The following NEGR1 variants were observed in gnomAD, a reference collection of about 807,000 sequenced individuals.
NEGR1 encodes IgLON family member 4.
In NEGR1, 10 loss-of-function variants were observed where a neutral mutation model predicts 40.9. The ratio of observed to expected loss-of-function variants is 0.24; its 90% confidence interval spans 0.15 to 0.42. The LOEUF (loss-of-function observed/expected upper bound fraction) is 0.42. Among genes scored for constraint, NEGR1 ranks in the 10% least tolerant of loss-of-function variants. The pLI, the probability that NEGR1 is intolerant of heterozygous loss-of-function variation, is 1.00. For synonymous variants in NEGR1, 185 were observed against 166.8 expected (o/e 1.11, Z -0.84); for missense variants, 352 against 438.9 (o/e 0.80, Z 1.77).
At chr1:71,429,830 GTATTTTGTTT>G (rs1646454737) in intron 6 of NEGR1, among the ~76,000 whole-genome samples, 1 of 152,220 alleles carries the variant, frequency 6.6e-6, no homozygotes, top group South Asian at 2.1e-4. Flanking sequence ...TTTAAGAGAT[GTATTTTGTTT>G]TAAAGTAAAA....
chr1:72,271,918 T>C (rs1327501947), intron 1 of NEGR1, among the ~76,000 whole-genome samples: 1 of 151,846 alleles, frequency 6.6e-6, no homozygotes, highest in Non-Finnish European at 1.5e-5. Context: ...CCTGCCACCA[T>C]GTAAGAAGTG....
intron 6 of NEGR1, among the ~76,000 whole-genome samples, chr1:71,419,560 C>T (rs1461701436): frequency 6.6e-6 from 1 of 151,784 alleles, no homozygotes; most frequent in East Asian, 1.9e-4. Context: ...TGTTTTTTTT[C>T]CTCATAGATT....
chr1:72,218,014 ATTCT>A (rs1653881879), intron 1 of NEGR1, among the ~76,000 whole-genome samples: 1 of 151,876 alleles, frequency 6.6e-6, no homozygotes, highest in Non-Finnish European at 1.5e-5. Context: ...AATTGAAGAA[ATTCT>A]TTATACAGTA....
chr1:71,489,000 T>G (rs1646906446), intron 6 of NEGR1, among the ~76,000 whole-genome samples: 1 of 151,834 alleles, frequency 6.6e-6, no homozygotes, highest in Admixed American at 6.6e-5. Flanking sequence ...TCTCTGAGAT[T>G]CAAATACCTT....
At chr1:71,573,567 C>G (rs2101495711) in intron 6 of NEGR1, 1 of 152,310 alleles carries the variant, frequency 6.6e-6, no homozygotes, top group South Asian at 2.1e-4. Context: ...TGACTTCTGA[C>G]TTTGATGTGG....
chr1:71,629,523 GCTTT>G (rs1650902380), intron 4 of NEGR1, among the ~76,000 whole-genome samples: 1 of 151,888 alleles, frequency 6.6e-6, no homozygotes, highest in Admixed American at 6.6e-5. Context: ...TCATGATTCG[GCTTT>G]CTGTTTGTCT....
At position 72,249,840 on chromosome 1, in the gene NEGR1, C is replaced by G. The variant is rs144585431; in HGVS notation, c.176+32479G>C. ...GAAGTTATTCTGATATCTTTCTCAA[C>G]GAATATAAAGCAACTATTATTTTGC... On this transcript the variant is annotated intron_variant, in intron 1 of 6. Transcript: ENST00000357731. 5.3e-3 allele frequency among the ~76,000 whole-genome samples: 803 copies of G among 152,178 alleles called. 8 individuals carry two copies. The highest frequency in any genetic ancestry group is 0.019 in the African/African-American group (774 of 41,532).
chr1:71,855,856 T>C (rs1384551987), intron 2 of NEGR1, among the ~76,000 whole-genome samples: 1 of 152,040 alleles, frequency 6.6e-6, no homozygotes, highest in Admixed American at 6.6e-5. Context: ...GCACCTTATG[T>C]TGGAGTATGT....
rs1276865045 is a variant in NEGR1 at position 71,493,534 on chromosome 1, C to CT, written c.941-85965dup. 2.0e-5 allele frequency among the ~76,000 whole-genome samples: 3 copies of CT among 152,082 alleles called. No homozygotes were observed. The South Asian group carries it at 6.2e-4, about 31-fold the overall frequency. On this transcript the variant is annotated intron_variant, in intron 6 of 6. Coordinates refer to ENST00000357731, the MANE Select transcript of NEGR1 (RefSeq NM_173808.3). Reference sequence around the variant, plus strand: ...AAGCCTTTGAAGAAAACTATTTTCTCTTTTTAAGTCTTATGTTTTAAAAAC... The same window carrying CT: ...AAGCCTTTGAAGAAAACTATTTTCTCTTTTTTAAGTCTTATGTTTTAAAAAC...
intron 6 of NEGR1, among the ~76,000 whole-genome samples, chr1:71,591,434 T>C (rs1187312861): frequency 6.6e-6 from 1 of 152,194 alleles, no homozygotes; most frequent in African/African-American, 2.4e-5. Flanking sequence ...CAAAACGTAA[T>C]ATGTTATTAA....
chr1:71,700,257 T>G (rs374494940), intron 3 of NEGR1, among the ~76,000 whole-genome samples: 9 of 152,116 alleles, frequency 5.9e-5, no homozygotes, highest in Admixed American at 5.2e-4. Context: ...AGAATAAGAT[T>G]ATGATAGTTA....
intron 3 of NEGR1, among the ~76,000 whole-genome samples, chr1:71,752,373 T>C (rs1396885898): frequency 6.6e-6 from 1 of 152,124 alleles, no homozygotes; most frequent in African/African-American, 2.4e-5. Flanking sequence ...TATACAAAAA[T>C]AGGTAGGGAA....
intron 6 of NEGR1, among the ~76,000 whole-genome samples, chr1:71,566,088 C>A (rs569552059): frequency 6.6e-6 from 1 of 151,968 alleles, no homozygotes; most frequent in Non-Finnish European, 1.5e-5. Flanking sequence ...CTGAGAGCCT[C>A]CCGAAGGAAA....
At chr1:71,986,482 C>A (rs1304857568) in intron 1 of NEGR1, among the ~76,000 whole-genome samples, 1 of 152,198 alleles carries the variant, frequency 6.6e-6, no homozygotes, top group African/African-American at 2.4e-5. Context: ...CCTTCTACAA[C>A]TATTCTGCTA....
intron 6 of NEGR1, among the ~76,000 whole-genome samples, chr1:71,486,143 A>G (rs1646886144): frequency 6.6e-6 from 1 of 151,642 alleles, no homozygotes; most frequent in Non-Finnish European, 1.5e-5. Context: ...CGGCCATTCT[A>G]GTAAGTGTGT....
At chr1:72,185,753 G>T (rs1390708683) in intron 1 of NEGR1, among the ~76,000 whole-genome samples, 1 of 151,796 alleles carries the variant, frequency 6.6e-6, no homozygotes, top group East Asian at 1.9e-4. Context: ...GTTACTGTTT[G>T]GATGTTTAAG....
chr1:71,690,920 G>T (rs1285401219), intron 4 of NEGR1, among the ~76,000 whole-genome samples: 2 of 151,592 alleles, frequency 1.3e-5, no homozygotes, highest in Non-Finnish European at 2.9e-5. Context: ...CTGTGTTAAA[G>T]GAAAGAAATT....
At position 71,402,867 on chromosome 1, in the gene NEGR1, T is replaced by C. The variant is rs946368414; in HGVS notation, c.*4579A>G. On this transcript the variant is annotated 3_prime_UTR_variant, in exon 7 of 7. Coordinates refer to ENST00000357731, the MANE Select transcript of NEGR1 (RefSeq NM_173808.3). ...CTGGTTTTCCATGTCTGATACTTGA[T>C]GTTTCTGTTTCTGTGATGTAATTTA... 6.6e-6 allele frequency: 1 copy of C among 152,126 alleles called. No homozygotes were observed. The highest frequency in any genetic ancestry group is 2.4e-5 in the African/African-American group (1 of 41,436). The allele number at this position is 152,126 out of a possible 1,614,324, so 9.4% of individuals were successfully genotyped here. A position where few individuals can be genotyped will look rare whatever the true frequency, so the allele number is the denominator to read the frequency against.
At chr1:71,781,784 G>T (rs888992167) in intron 2 of NEGR1, among the ~76,000 whole-genome samples, 4 of 152,050 alleles carry the variant, frequency 2.6e-5, no homozygotes, top group African/African-American at 9.7e-5. Flanking sequence ...TTTAAAAGTT[G>T]TTATATATCT....
Sources: allele counts gnomAD v4.1 joint callset (sites outside exome capture counted in the v4.1 genomes callset), GRCh38; gene constraint gnomAD v4.1.1; transcripts MANE v1.5; gene names NCBI Gene and HGNC (gene_info 2026-07-23, HGNC 2026-07-21).